The following IL7 variants were observed in gnomAD, a reference collection of about 807,000 sequenced individuals.
The protein encoded by IL7 is interleukin 7.
Under a neutral mutation model 21.6 loss-of-function variants are expected in IL7, and 3 were observed. The observed-to-expected ratio is 0.14, with a 90% CI of 0.06 to 0.36. The LOEUF (loss-of-function observed/expected upper bound fraction) is 0.36. Ranked by LOEUF, IL7 falls within the 10% of genes least tolerant of loss-of-function variation. The pLI, the probability that IL7 is intolerant of heterozygous loss-of-function variation, is 1.00. For missense variants in IL7, 175 were observed against 200.2 expected, an observed-to-expected ratio of 0.87 and a Z score of 0.76; for synonymous variants, 62 against 68.1, an observed-to-expected ratio of 0.91 and a Z score of 0.44.
At chr8:78,757,655 T>TTTA (rs1812394518) in intron 2 of IL7, among the ~76,000 whole-genome samples, 2 of 152,120 alleles carry the variant, frequency 1.3e-5, no homozygotes, top group Non-Finnish European at 2.9e-5. Flanking sequence ...TCTTTATCTC[T>TTTA]TGTTATGTTC....
intron 3 of IL7, among the ~76,000 whole-genome samples, chr8:78,689,029 G>A (rs2130501074): frequency 9.1e-6 from 1 of 109,716 alleles, no homozygotes; most frequent in Admixed American, 1.1e-4. Flanking sequence ...TCATGTACCA[G>A]CAGACTTTTT....
intron 3 of IL7, among the ~76,000 whole-genome samples, chr8:78,703,381 G>A (rs898808465): frequency 1.3e-5 from 2 of 152,140 alleles, no homozygotes; most frequent in Admixed American, 1.3e-4. Context: ...AGGTGTTAAA[G>A]TCTCCCACTA....
At chr8:78,751,089 T>C (rs1474694236) in intron 2 of IL7, among the ~76,000 whole-genome samples, 14 of 126,634 alleles carry the variant, frequency 1.1e-4, no homozygotes, top group Non-Finnish European at 4.9e-5. Flanking sequence ...GAAGCAAAAA[T>C]TCAAAAAAAA....
chr8:78,754,275 A>C (rs1441373937), intron 2 of IL7, among the ~76,000 whole-genome samples: 1 of 148,954 alleles, frequency 6.7e-6, no homozygotes, highest in Non-Finnish European at 1.5e-5. Context: ...AATCATGAGA[A>C]AACTCCAATT....
chr8:78,758,207 TC>T (rs1812419042), intron 2 of IL7, among the ~76,000 whole-genome samples: 1 of 152,100 alleles, frequency 6.6e-6, no homozygotes, highest in African/African-American at 2.4e-5. Flanking sequence ...TGTTTTCTTT[TC>T]TACCCATTCA....
chr8:78,760,573 A>G, intron 2 of IL7: 1 of 1,553,254 alleles, frequency 6.4e-7, no homozygotes. Flanking sequence ...CCTCCAAAGT[A>G]TTGAATTTGA....
chr8:78,708,455 G>A (rs1810850098), intron 3 of IL7, among the ~76,000 whole-genome samples: 1 of 152,004 alleles, frequency 6.6e-6, no homozygotes, highest in Admixed American at 6.6e-5. Flanking sequence ...AGGTGGGAGA[G>A]TCGCTTGAAC....
In IL7 at chr8:78,777,132, C is replaced by A. The variant is rs142276637; in HGVS notation, c.147+20940G>T. Among the ~76,000 whole-genome samples the A allele has an allele frequency of 3.4e-3, 522 of 152,168 alleles. 3 individuals carry two copies. Among genetic ancestry groups the A allele is most frequent in the African/African-American group, 0.012 (488 of 41,540 alleles). ...TCATCGGTTGTCTAGTTGAGATTCA[C>A]CTCTATCTGCACATGGTAAAGAAGC... On this transcript the variant is annotated intron_variant, in intron 2 of 5. Transcript: ENST00000263851.
rs531543680 is a variant in IL7, at chr8:78,752,770, A to G, written c.148-12688T>C. Among the ~76,000 whole-genome samples the G allele has an allele frequency of 4.6e-5, 7 of 151,940 alleles. No homozygotes were observed. In the South Asian group the frequency reaches 6.2e-4, roughly 14 times the overall value. On this transcript the variant is annotated intron_variant, in intron 2 of 5. Transcript: ENST00000263851. ...GTCCCCCACCCTGCGACAGGCCCCA[A>G]TGTGTGATGTTCCCCTCCCTGTGCC...
At chr8:78,790,948 T>C (rs185956661) in intron 2 of IL7, among the ~76,000 whole-genome samples, 1 of 151,356 alleles carries the variant, frequency 6.6e-6, no homozygotes, top group East Asian at 1.9e-4. Context: ...AAATGATTCA[T>C]ATTTCCCGAT....
intron 4 of IL7, among the ~76,000 whole-genome samples, chr8:78,681,462 C>T (rs1235924784): frequency 1.3e-5 from 2 of 152,142 alleles, no homozygotes; most frequent in African/African-American, 4.8e-5. Flanking sequence ...TAATCTCAAA[C>T]ATCTAAATTT....
intron 2 of IL7, among the ~76,000 whole-genome samples, chr8:78,796,600 G>A (rs1267790517): frequency 1.4e-4 from 22 of 151,918 alleles, no homozygotes. Flanking sequence ...AAAAATGTGA[G>A]TTCAGACACC....
intron 3 of IL7, among the ~76,000 whole-genome samples, chr8:78,710,288 C>CAT (rs1019549089): frequency 1.8e-3 from 280 of 151,534 alleles, no homozygotes; most frequent in African/African-American, 5.8e-3. Flanking sequence ...TTTGAATGTA[C>CAT]ATATATATAT....
At chr8:78,765,098 G>C (rs186608465) in intron 2 of IL7, among the ~76,000 whole-genome samples, 5 of 152,140 alleles carry the variant, frequency 3.3e-5, no homozygotes, top group African/African-American at 9.6e-5. Context: ...TTCAACAAAT[G>C]GTGCTAAGAC....
downstream of IL7, among the ~76,000 whole-genome samples, chr8:78,715,775 C>T (rs990413901): frequency 1.3e-5 from 2 of 152,114 alleles, no homozygotes; most frequent in East Asian, 1.9e-4. Context: ...TGTGGTGGCT[C>T]ACGCCTGTAA....
At chr8:78,678,592 T>G (rs781049655) in intron 4 of IL7, 6 of 1,611,892 alleles carry the variant, frequency 3.7e-6, no homozygotes, top group South Asian at 1.1e-5. Context: ...GCCAGAAGAC[T>G]GCAACTAAAA....
At chr8:78,735,551 G>A (rs1196489609) in intron 5 of IL7, among the ~76,000 whole-genome samples, 4 of 151,882 alleles carry the variant, frequency 2.6e-5, no homozygotes, top group East Asian at 3.9e-4. Context: ...CTTGTGATCC[G>A]CCCACCTCGG....
chr8:78,758,054 G>T (rs564199124), intron 2 of IL7, among the ~76,000 whole-genome samples: 61 of 152,006 alleles, frequency 4.0e-4, no homozygotes, highest in Non-Finnish European at 7.2e-4. Flanking sequence ...CAGACATGTG[G>T]AACTGTGAGT....
intron 3 of IL7, among the ~76,000 whole-genome samples, chr8:78,690,161 T>G (rs1338946502): frequency 4.0e-5 from 6 of 151,534 alleles, no homozygotes; most frequent in Non-Finnish European, 7.4e-5. Flanking sequence ...TTGATTTATA[T>G]CCCTGTCCTT....
Sources: gnomAD v4.1 joint callset for allele counts (sites outside exome capture counted in the v4.1 genomes callset) on GRCh38, gnomAD v4.1.1 for gene constraint, MANE v1.5 for transcripts, NCBI Gene and HGNC (gene_info 2026-07-23, HGNC 2026-07-21) for gene names.